DNAH14: variants seen among roughly 807,000 people sequenced by gnomAD.
DNAH14 encodes dynein axonemal heavy chain 14, also known as axonemal beta dynein heavy chain 14.
Under a neutral mutation model 520.9 loss-of-function variants are expected in DNAH14, and 478 were observed. The observed-to-expected ratio is 0.92, with a 90% CI of 0.85 to 0.99. The LOEUF (loss-of-function observed/expected upper bound fraction) is 0.99, where lower values mean the gene tolerates loss of function less well. DNAH14 is among the 50% of genes least tolerant of loss of function. The probability of loss-of-function intolerance (pLI) is 0.00; values close to 1 mark genes in which losing one functional copy is unlikely to be tolerated. For synonymous variants in DNAH14, 1,581 were observed against 1,757.2 expected (o/e 0.90, Z 2.51); for missense variants, 4,831 against 5,234.5 (o/e 0.92, Z 2.38).
At chr1:225,168,373 C>T (rs574652475) in intron 36 of DNAH14, among the ~76,000 whole-genome samples, 2 of 152,338 alleles carry the variant, frequency 1.3e-5, no homozygotes, top group South Asian at 4.1e-4. Context: ...CCAGGAAGCA[C>T]AAGGGGTCAG....
chr1:225,323,905 T>C (rs1321129191), intron 62 of DNAH14, among the ~76,000 whole-genome samples: 1 of 152,118 alleles, frequency 6.6e-6, no homozygotes, highest in Non-Finnish European at 1.5e-5. Context: ...AACCTCTCAC[T>C]CCTGGGTTCA....
chr1:225,373,485 G>A (rs61851862), intron 77 of DNAH14, among the ~76,000 whole-genome samples: 12,340 of 151,786 alleles, frequency 0.081, 809 homozygotes, highest in East Asian at 0.4. Context: ...AGGAAGGGAG[G>A]GAGGGAGGGG....
At chr1:225,282,108 C>T (rs951116616) in intron 54 of DNAH14, among the ~76,000 whole-genome samples, 1 of 152,110 alleles carries the variant, frequency 6.6e-6, no homozygotes, top group Non-Finnish European at 1.5e-5. Flanking sequence ...ATGTCACTAT[C>T]ATCTAAATAA....
chr1:225,190,052 G>T (rs549378073), intron 37 of DNAH14, among the ~76,000 whole-genome samples: 3 of 151,730 alleles, frequency 2.0e-5, no homozygotes, highest in African/African-American at 7.3e-5. Context: ...CAGTACCTCA[G>T]CTTGTATCTC....
chr1:224,997,499 T>G (rs973433806), intron 8 of DNAH14, among the ~76,000 whole-genome samples: 7 of 152,102 alleles, frequency 4.6e-5, no homozygotes, highest in Admixed American at 1.3e-4. Context: ...CCATGCAGCT[T>G]TCTCAGGCCT....
intron 17 of DNAH14, among the ~76,000 whole-genome samples, chr1:225,074,160 C>T (rs1047769790): frequency 4.8e-4 from 73 of 151,686 alleles, no homozygotes; most frequent in African/African-American, 1.4e-3. Context: ...CCACTACGCC[C>T]GGCTAATTTT....
At chr1:225,047,701 G>A (rs188593229) in intron 15 of DNAH14, among the ~76,000 whole-genome samples, 5 of 152,218 alleles carry the variant, frequency 3.3e-5, no homozygotes, top group East Asian at 1.9e-4. Context: ...TTGCTTCTGC[G>A]AAAAACAAAT....
intron 15 of DNAH14, among the ~76,000 whole-genome samples, chr1:225,049,129 G>A (rs2929628): frequency 0.76 from 107,684 of 142,362 alleles, 42,751 homozygotes; most frequent in Non-Finnish European, 0.88. Flanking sequence ...GCACTATCTC[G>A]GCTCACTGCA....
intron 8 of DNAH14, among the ~76,000 whole-genome samples, chr1:224,981,407 G>T (rs748825365): frequency 2.0e-5 from 3 of 152,078 alleles, no homozygotes; most frequent in Middle Eastern, 3.2e-3. Context: ...CTGTGAATCT[G>T]TCTGGTCCTG....
chr1:224,934,331 A>G (rs1191151229), intron 1 of DNAH14, among the ~76,000 whole-genome samples: 1 of 152,082 alleles, frequency 6.6e-6, no homozygotes, highest in East Asian at 1.9e-4. Flanking sequence ...AAGAGATAAG[A>G]TTCTTTTGAA....
At chr1:224,972,379 C>A (rs1263558031) in intron 7 of DNAH14, among the ~76,000 whole-genome samples, 1 of 152,022 alleles carries the variant, frequency 6.6e-6, no homozygotes, top group Non-Finnish European at 1.5e-5. Context: ...TCTCGGCTCA[C>A]TGCAAGCTCT....
At chr1:225,031,134 A>T (rs2066491079) in intron 11 of DNAH14, among the ~76,000 whole-genome samples, 1 of 152,054 alleles carries the variant, frequency 6.6e-6, no homozygotes, top group Non-Finnish European at 1.5e-5. Context: ...GATGGTATTA[A>T]AAATGGTACC....
At chr1:225,389,709 C>A in intron 82 of DNAH14, 25 bp from the exon 83 acceptor site, 1 of 1,551,246 alleles carries the variant, frequency 6.4e-7, no homozygotes, top group Non-Finnish European at 8.7e-7. Flanking sequence ...CCTTAACCCC[C>A]AACCTGTGGT....
At chr1:224,977,138 C>A (rs2061910812) in intron 8 of DNAH14, among the ~76,000 whole-genome samples, 1 of 151,928 alleles carries the variant, frequency 6.6e-6, no homozygotes, top group Non-Finnish European at 1.5e-5. Flanking sequence ...CACATATACA[C>A]CATGGAATAC....
intron 36 of DNAH14, among the ~76,000 whole-genome samples, chr1:225,170,026 A>C (rs2082439687): frequency 1.3e-5 from 2 of 152,206 alleles, no homozygotes; most frequent in African/African-American, 4.8e-5. Flanking sequence ...ACTAAGCTCC[A>C]TAAGTGAAGG....
intron 35 of DNAH14, among the ~76,000 whole-genome samples, 178 bp from the exon 36 acceptor site, chr1:225,167,761 G>T (rs974872770): frequency 2.6e-5 from 4 of 152,084 alleles, no homozygotes; most frequent in East Asian, 1.9e-4. Context: ...GTATTTTTCT[G>T]CAGACAGTAG....
At chr1:225,116,501 C>T (rs1397920635) in intron 23 of DNAH14, among the ~76,000 whole-genome samples, 6 of 152,134 alleles carry the variant, frequency 3.9e-5, no homozygotes, top group African/African-American at 9.7e-5. Flanking sequence ...TGCCTAGATA[C>T]GTTTGGTTCA....
intron 52 of DNAH14, among the ~76,000 whole-genome samples, chr1:225,273,468 T>C (rs2149847717): frequency 6.6e-6 from 1 of 152,302 alleles, no homozygotes; most frequent in South Asian, 2.1e-4. Flanking sequence ...TTGTTTTAAG[T>C]GGATTATTGG....
In DNAH14 at chr1:225,374,718, A is replaced by C. The variant is rs2095674086; in HGVS notation, c.12349A>C (p.Arg4117=). 2 of 1,549,688 alleles carry C rather than the reference A, an allele frequency of 1.3e-6. No homozygotes were observed. The highest frequency in any genetic ancestry group is 2.4e-5 in the South Asian group (2 of 83,776). ...VAIKVLENSL[R]GQPSISWQAL... ...CATTAAGGTGTTGGAAAATTCCCTG[A>C]GAGGACAGCCCAGCATTTCGTGGCA... The change falls in exon 78 of 86, where the codon AGA becomes CGA. Residue 4117 remains arginine, a synonymous_variant. Coordinates refer to ENST00000682510, the MANE Select transcript of DNAH14 (RefSeq NM_001367479.1).
Sources: allele counts gnomAD v4.1 joint callset (sites outside exome capture counted in the v4.1 genomes callset), GRCh38; gene constraint gnomAD v4.1.1; transcripts MANE v1.5; gene names NCBI Gene and HGNC (gene_info 2026-07-23, HGNC 2026-07-21).